PSD3: variants seen among roughly 807,000 people sequenced by gnomAD.
PSD3 encodes PH and SEC7 domain-containing protein 3.
A neutral mutation model predicts 105.5 loss-of-function variants in PSD3; 49 were observed. That is an observed-to-expected ratio of 0.46 (90% CI 0.37 to 0.59). PSD3 has a LOEUF of 0.59. Among genes scored for constraint, PSD3 ranks in the 20% least tolerant of loss-of-function variants. PSD3 has a pLI of 0.00. For missense variants in PSD3, 1,561 were observed against 1,263.8 expected (o/e 1.24, Z -3.57); for synonymous variants, 557 against 457.8 (o/e 1.22, Z -2.77).
chr8:18,903,182 G>A (rs1320590986), intron 2 of PSD3, among the ~76,000 whole-genome samples: 1 of 152,162 alleles, frequency 6.6e-6, no homozygotes, highest in African/African-American at 2.4e-5. Flanking sequence ...GGTATACAGT[G>A]AAGCACTCAC....
Position 18,811,690 on chromosome 8 carries a change from C to G in PSD3, c.1635-6792G>C, listed in dbSNP as rs567875958. On this transcript the variant is annotated intron_variant, in intron 4 of 15. Transcript: ENST00000327040. ...TGATAAAATAACAGCATTCCAAGCC[C>G]AGAGAAGGCCCAAAGGCTGCAGCAT... 2.0e-5 allele frequency among the ~76,000 whole-genome samples: 3 copies of G among 152,182 alleles called. No homozygotes were observed. In the East Asian group the frequency reaches 5.8e-4, roughly 30 times the overall value.
At chr8:18,559,750 A>G (rs1801284948) in intron 14 of PSD3, among the ~76,000 whole-genome samples, 1 of 152,108 alleles carries the variant, frequency 6.6e-6, no homozygotes, top group Non-Finnish European at 1.5e-5. Flanking sequence ...TGTTGAACAA[A>G]TCCCAATTTC....
At position 18,912,427 on chromosome 8, in the gene PSD3, A is replaced by C. The variant is rs922929723; in HGVS notation, c.130+23607T>G. On this transcript the variant is annotated intron_variant, in intron 2 of 15. Transcript: ENST00000327040. ...TAACTATTAACAGAACTGAGTTCTT[A>C]AAAGGAATAAAACTTTTGTACTTAA... Among the ~76,000 whole-genome samples, 8 of 151,992 alleles carry C rather than the reference A, an allele frequency of 5.3e-5. No homozygotes were observed. The East Asian group carries it at 1.5e-3, about 29-fold the overall frequency.
intron 14 of PSD3, among the ~76,000 whole-genome samples, chr8:18,558,353 A>G (rs1168011143): frequency 6.6e-6 from 1 of 152,220 alleles, no homozygotes. Context: ...TCTTTTCTAA[A>G]AAAAGTTTTA....
chr8:19,010,052 T>A (rs1421820880), intron 1 of PSD3, among the ~76,000 whole-genome samples: 2 of 152,204 alleles, frequency 1.3e-5, no homozygotes, highest in African/African-American at 4.8e-5. Flanking sequence ...AATAATCTTT[T>A]AAAAATATCC....
intron 10 of PSD3, among the ~76,000 whole-genome samples, chr8:18,641,562 T>C (rs986327375): frequency 2.6e-5 from 4 of 152,160 alleles, no homozygotes; most frequent in African/African-American, 7.2e-5. Flanking sequence ...AAATCCTTGT[T>C]GGGTGATGGA....
At chr8:18,930,716 T>G (rs1050133292) in intron 2 of PSD3, among the ~76,000 whole-genome samples, 2 of 151,974 alleles carry the variant, frequency 1.3e-5, no homozygotes, top group Admixed American at 1.3e-4. Context: ...ATGACAGGCA[T>G]GTGCAACCAC....
intron 12 of PSD3, among the ~76,000 whole-genome samples, chr8:18,595,043 TA>T (rs201255648): frequency 0.014 from 2,126 of 151,974 alleles, 54 homozygotes; most frequent in African/African-American, 0.049. Flanking sequence ...ATAGAAATTT[TA>T]AAAAAAGTAT....
At chr8:18,643,375 C>G (rs1309332684) in intron 10 of PSD3, among the ~76,000 whole-genome samples, 2 of 152,176 alleles carry the variant, frequency 1.3e-5, no homozygotes, top group African/African-American at 2.4e-5. Context: ...GAAATACATT[C>G]ATTTCATCAC....
intron 15 of PSD3, among the ~76,000 whole-genome samples, chr8:18,538,510 A>C (rs1799958158): frequency 6.6e-6 from 1 of 152,216 alleles, no homozygotes; most frequent in African/African-American, 2.4e-5. Flanking sequence ...AACAGAAAAG[A>C]ACTACCCCCA....
chr8:18,905,375 G>A (rs966784049), intron 2 of PSD3, among the ~76,000 whole-genome samples: 8 of 152,186 alleles, frequency 5.3e-5, no homozygotes, highest in African/African-American at 1.9e-4. Context: ...CCAGGCTGGA[G>A]TGCAGTGGCG....
chr8:18,654,823 T>C (rs1204422145), intron 10 of PSD3, among the ~76,000 whole-genome samples: 1 of 152,166 alleles, frequency 6.6e-6, no homozygotes, highest in East Asian at 1.9e-4. Flanking sequence ...AGAACCTTTT[T>C]TTGGTTGCTG....
rs1249405368 is a variant in PSD3 at position 18,999,795 on chromosome 8, T to C, written c.21+13768A>G. Among the ~76,000 whole-genome samples, 2 of 151,664 alleles carry C rather than the reference T, an allele frequency of 1.3e-5. 1 individual carries two copies. Among genetic ancestry groups the C allele is most frequent in the Non-Finnish European group, 2.9e-5 (2 of 67,914 alleles). ...TACCATTATCTTTCTAACTCCCCTCTGAATCTTACTGAACTTCCCTCTGAA... is the reference window on the plus strand; with the variant it reads ...TACCATTATCTTTCTAACTCCCCTCCGAATCTTACTGAACTTCCCTCTGAA... On this transcript the variant is annotated intron_variant, in intron 1 of 15. Transcript: ENST00000327040.
At chr8:18,926,856 C>T (rs1821398534) in intron 2 of PSD3, among the ~76,000 whole-genome samples, 1 of 152,062 alleles carries the variant, frequency 6.6e-6, no homozygotes, top group African/African-American at 2.4e-5. Flanking sequence ...AGGGCTTGGT[C>T]CCTCTACCCC....
intron 1 of PSD3, among the ~76,000 whole-genome samples, chr8:18,973,670 A>G (rs1350013448): frequency 6.6e-5 from 10 of 152,224 alleles, no homozygotes; most frequent in African/African-American, 2.2e-4. Flanking sequence ...AACAGGACTC[A>G]ATCCTAAGTA....
intron 4 of PSD3, among the ~76,000 whole-genome samples, chr8:18,857,807 A>G (rs1010751874): frequency 1.3e-5 from 2 of 152,162 alleles, no homozygotes; most frequent in East Asian, 3.9e-4. Context: ...GGTGAGTAAA[A>G]ACATCAGAAA....
chr8:18,774,538 C>T (rs1022148985), intron 8 of PSD3: 4 of 255,768 alleles, frequency 1.6e-5, no homozygotes. Context: ...AATTTTGACT[C>T]AGCAATGTTC....
chr8:18,560,606 G>A (rs1563322443), intron 14 of PSD3, among the ~76,000 whole-genome samples: 1 of 151,978 alleles, frequency 6.6e-6, no homozygotes, highest in Non-Finnish European at 1.5e-5. Flanking sequence ...GTGGTTATAT[G>A]TCAATAGATT....
chr8:18,701,106 C>T (rs960453485), intron 9 of PSD3, among the ~76,000 whole-genome samples: 6 of 150,152 alleles, frequency 4.0e-5, no homozygotes, highest in East Asian at 2.0e-4. Flanking sequence ...GCTGAGACCA[C>T]AGGTGTGTGC....
Sources: gnomAD v4.1 joint callset for allele counts (sites outside exome capture counted in the v4.1 genomes callset) on GRCh38, gnomAD v4.1.1 for gene constraint, MANE v1.5 for transcripts, NCBI Gene and HGNC (gene_info 2026-07-23, HGNC 2026-07-21) for gene names.